The following TBCK variants were observed in gnomAD, a reference collection of about 807,000 sequenced individuals.
TBCK encodes the protein TBC domain-containing protein kinase-like protein.
A neutral mutation model predicts 113.4 loss-of-function variants in TBCK; 99 were observed. The observed-to-expected ratio is 0.87, with a 90% CI of 0.74 to 1.03. TBCK has a LOEUF of 1.03. Among genes scored for constraint, TBCK ranks in the 50% least tolerant of loss-of-function variants. The pLI is 0.00. For synonymous variants in TBCK, 369 were observed against 370.8 expected, an observed-to-expected ratio of 1.00 and a Z score of 0.05; for missense variants, 1,045 against 1,061.3, an observed-to-expected ratio of 0.98 and a Z score of 0.21.
intron 3 of TBCK, among the ~76,000 whole-genome samples, chr4:106,281,114 C>A (rs1764545709): frequency 6.6e-6 from 1 of 151,932 alleles, no homozygotes; most frequent in Admixed American, 6.6e-5. Context: ...TTATAGTTTT[C>A]ATTGTAGAGA....
intron 22 of TBCK, among the ~76,000 whole-genome samples, chr4:106,183,889 C>T (rs528714919): frequency 8.9e-4 from 136 of 152,032 alleles, no homozygotes; most frequent in African/African-American, 3.2e-3. Context: ...TTGTTATGAT[C>T]CTTCTCATGT....
intron 24 of TBCK, among the ~76,000 whole-genome samples, chr4:106,104,091 A>G (rs1308917053): frequency 6.6e-6 from 1 of 152,218 alleles, no homozygotes; most frequent in Non-Finnish European, 1.5e-5. Flanking sequence ...CTGCTCAGGC[A>G]TAGGTGGAGA....
At chr4:106,285,500 G>A (rs188272308) in intron 3 of TBCK, among the ~76,000 whole-genome samples, 2 of 152,168 alleles carry the variant, frequency 1.3e-5, no homozygotes, top group East Asian at 3.9e-4. Flanking sequence ...AATTGACACA[G>A]ACTCTTCTCT....
At chr4:106,081,423 A>G (rs947454412) in intron 25 of TBCK, among the ~76,000 whole-genome samples, 1 of 152,208 alleles carries the variant, frequency 6.6e-6, no homozygotes, top group African/African-American at 2.4e-5. Context: ...GCAGGCACAG[A>G]AAACCAAATA....
At chr4:106,229,982 G>A (rs555295362) in intron 19 of TBCK, among the ~76,000 whole-genome samples, 1 of 151,980 alleles carries the variant, frequency 6.6e-6, no homozygotes, top group South Asian at 2.1e-4. Context: ...TGAGATAAAT[G>A]TAAAGTATTT....
At chr4:106,288,530 C>T (rs1193415390) in intron 3 of TBCK, among the ~76,000 whole-genome samples, 2 of 152,208 alleles carry the variant, frequency 1.3e-5, no homozygotes, top group Non-Finnish European at 2.9e-5. Context: ...AAATGTTCAT[C>T]CCCTTAAAAA....
intron 23 of TBCK, among the ~76,000 whole-genome samples, chr4:106,154,180 T>C (rs1179481882): frequency 1.3e-5 from 2 of 152,130 alleles, no homozygotes; most frequent in African/African-American, 4.8e-5. Flanking sequence ...GGATTTTCTA[T>C]TGTGATATGA....
chr4:106,105,881 C>T lies in TBCK; in HGVS notation c.2412-10240G>A, dbSNP rs183608009. Among the ~76,000 whole-genome samples the T allele has an allele frequency of 1.1e-3, 170 of 152,284 alleles. 1 individual carries two copies. The highest frequency in any genetic ancestry group is 2.8e-3 in the Admixed American group (43 of 15,288). ...GTGTCCTCCAAATGACTGCATCAGT[C>T]CTCCAACAAGAGTTCTTAATCATGC... On this transcript the variant is annotated intron_variant, in intron 24 of 25. Transcript: ENST00000394708.
chr4:106,230,373 A>G lies in TBCK; in HGVS notation c.1764T>C (p.His588=), dbSNP rs541114727. ...AAGACATTTGCTTACCTTGTATTAC[A>G]TGTGAGTTGTCTTTTAAGAAGAAGT... ...LYNFFLKDNS[H]VIQEYLTVFS... is the part of the protein sequence containing the mutation. The change falls in exon 19 of 26, where the codon CAT becomes CAC. Residue 588 remains histidine (H), a synonymous_variant. Transcript: ENST00000394708. The G allele has an allele frequency of 2.5e-6, 4 of 1,590,364 alleles. No individual in the cohort carries two copies. Among genetic ancestry groups the G allele is most frequent in the African/African-American group, 1.3e-5 (1 of 74,280 alleles).
rs1733897402 is a variant in TBCK at position 106,041,911 on chromosome 4, C to T, written c.*4659G>A. On this transcript the variant is annotated 3_prime_UTR_variant, in exon 26 of 26. Transcript: ENST00000394708. The stretch of plus-strand genomic sequence containing the variant: ...ATACATGTGACTTTATAAAATATGG[C>T]TAACTTTTAAAATAGGTATTTACAA... 6.6e-6 allele frequency: 1 copy of T among 152,092 alleles called. No homozygotes were observed. The highest frequency in any genetic ancestry group is 6.5e-5 in the Admixed American group (1 of 15,268). The allele number at this position is 152,092 out of a possible 1,614,324, so 9.4% of individuals were successfully genotyped here.
At chr4:106,240,390 T>C (rs1227686136) in intron 12 of TBCK, among the ~76,000 whole-genome samples, 2 of 151,618 alleles carry the variant, frequency 1.3e-5, no homozygotes, top group Non-Finnish European at 1.5e-5. Context: ...AATTTGGAAA[T>C]GAAGGAAAAA....
rs1579121066 is a variant in TBCK at position 106,172,683 on chromosome 4, G to T, written c.2060-1413C>A. Among the ~76,000 whole-genome samples the T allele has an allele frequency of 3.9e-5, 6 of 152,182 alleles. 1 individual carries two copies. The South Asian group carries it at 1.2e-3, about 32-fold the overall frequency. On this transcript the variant is annotated intron_variant, in intron 22 of 25. Transcript: ENST00000394708. The stretch of plus-strand genomic sequence containing the variant: ...AAATAGGCATTAAGTAAATTCTGTG[G>T]ATAGTGCATGAGTAATCATTTAGAG...
chr4:106,231,790 G>C lies in TBCK; in HGVS notation c.1640-11C>G. The C allele has an allele frequency of 6.2e-7, 1 of 1,605,914 alleles. No individual in the cohort carries two copies. Among genetic ancestry groups the C allele is most frequent in the African/African-American group, 1.3e-5 (1 of 74,536 alleles). Reference sequence around the variant, plus strand: ...AAAGTGAGTCAAGACCTAACACAGAGGGGTTGGGAGAAAGAAGTCAAATAA... The same window carrying C: ...AAAGTGAGTCAAGACCTAACACAGACGGGTTGGGAGAAAGAAGTCAAATAA... On this transcript the variant is annotated splice_polypyrimidine_tract_variant and intron_variant, in intron 17 of 25. Transcript: ENST00000394708.
Position 106,308,922 on chromosome 4 carries a change from G to C in TBCK, c.39C>G (p.Thr13=). The change falls in exon 2 of 26, where the codon ACC becomes ACG. Residue 13 remains threonine (T), a synonymous_variant. Transcript: ENST00000394708. The part of the protein sequence containing the change: ...PLKDAEMGAF[T]FFASALPHDV... Reference sequence around the variant, plus strand: ...CATGTGGCAGAGCCGAGGCAAAGAAGGTAAAGGCTCCCATTTCAGCGTCCT... The same window carrying C: ...CATGTGGCAGAGCCGAGGCAAAGAACGTAAAGGCTCCCATTTCAGCGTCCT... 6.2e-7 allele frequency: 1 copy of C among 1,614,060 alleles called. No homozygotes were observed. Among genetic ancestry groups the C allele is most frequent in the Non-Finnish European group, 8.5e-7 (1 of 1,179,996 alleles).
chr4:106,106,954 A>G (rs560594823), intron 24 of TBCK, among the ~76,000 whole-genome samples: 3 of 152,292 alleles, frequency 2.0e-5, no homozygotes, highest in Non-Finnish European at 2.9e-5. Context: ...AATCTACCAA[A>G]AAAATAAAAA....
At chr4:106,111,316 A>G (rs1333612360) in intron 24 of TBCK, among the ~76,000 whole-genome samples, 1 of 152,212 alleles carries the variant, frequency 6.6e-6, no homozygotes, top group Non-Finnish European at 1.5e-5. Context: ...ATTGATGCTA[A>G]TTTGCAACCT....
chr4:106,077,534 A>T (rs1738353983), intron 25 of TBCK, among the ~76,000 whole-genome samples: 1 of 152,240 alleles, frequency 6.6e-6, no homozygotes, highest in African/African-American at 2.4e-5. Context: ...CCAGACAAAC[A>T]AACATTAAAG....
chr4:106,217,474 G>T (rs1201333774), intron 19 of TBCK, among the ~76,000 whole-genome samples: 1 of 152,176 alleles, frequency 6.6e-6, no homozygotes, highest in African/African-American at 2.4e-5. Flanking sequence ...AAACCCCATT[G>T]TCTCAGCCCC....
chr4:106,115,673 C>CTCT (rs995376388), intron 24 of TBCK, among the ~76,000 whole-genome samples: 34 of 152,122 alleles, frequency 2.2e-4, no homozygotes, highest in African/African-American at 7.7e-4. Flanking sequence ...TATTTTGTAA[C>CTCT]TCTTCATACT....
Sources: allele counts gnomAD v4.1 joint callset (sites outside exome capture counted in the v4.1 genomes callset), GRCh38; gene constraint gnomAD v4.1.1; transcripts MANE v1.5; gene names NCBI Gene and HGNC (gene_info 2026-07-23, HGNC 2026-07-21).